The following ABRACL variants were observed in gnomAD, a reference collection of about 807,000 sequenced individuals.
ABRACL encodes ABRA C-terminal like.
Under a neutral mutation model 7.0 loss-of-function variants are expected in ABRACL, and 4 were observed. That is an observed-to-expected ratio of 0.57 (90% CI 0.28 to 1.30). The LOEUF is 1.30. ABRACL is among the 50% of genes most tolerant of loss of function. The probability of loss-of-function intolerance (pLI) is 0.10; values close to 1 mark genes in which losing one functional copy is unlikely to be tolerated. For missense variants in ABRACL, 104 were observed against 97.3 expected (o/e 1.07, Z -0.29); for synonymous variants, 30 against 36.0 (o/e 0.83, Z 0.60).
chr6:139,040,639 C>T (rs1349941345), intron 2 of ABRACL, among the ~76,000 whole-genome samples: 1 of 152,210 alleles, frequency 6.6e-6, no homozygotes, highest in Non-Finnish European at 1.5e-5. Flanking sequence ...TAATCAGTGA[C>T]AGGTTCCTGT....
intron 2 of ABRACL, among the ~76,000 whole-genome samples, chr6:139,039,499 G>A (rs1003534429): frequency 2.6e-5 from 4 of 152,196 alleles, no homozygotes; most frequent in Admixed American, 1.3e-4. Flanking sequence ...TATAAGAAGA[G>A]CTATTCACTC....
Position 139,034,217 on chromosome 6 carries a change from A to T in ABRACL, c.57A>T (p.Ser19=). Reference sequence around the variant, plus strand: ...TGGAGGAAATTCATCGTTTGGGTTCAAAAAGTAAGTATCTGACAGAGATAG... The same window carrying T: ...TGGAGGAAATTCATCGTTTGGGTTCTAAAAGTAAGTATCTGACAGAGATAG... ...LLVEEIHRLG[S]KNADGKLSVK... is the part of the protein sequence containing the mutation. Residue 19 remains serine, a synonymous_variant, in exon 2 of 3, where the codon TCA becomes TCT. Transcript: ENST00000367660. 6.2e-7 allele frequency: 1 copy of T among 1,614,218 alleles called. No homozygotes were observed. The highest frequency in any genetic ancestry group is 8.5e-7 in the Non-Finnish European group (1 of 1,180,036).
chr6:139,033,726 C>T lies in ABRACL; in HGVS notation c.-6-429C>T, dbSNP rs143769096. Among the ~76,000 whole-genome samples the T allele has an allele frequency of 4.9e-4, 74 of 152,334 alleles. No individual in the cohort carries two copies. In the East Asian group the frequency reaches 0.013, roughly 27 times the overall value. ...TTGGACCCACCACTCAAAGAGTATT[C>T]GTCTCATTGCTCTTCATTGCAGGCC... On this transcript the variant is annotated intron_variant, in intron 1 of 2. Coordinates refer to ENST00000367660, the MANE Select transcript of ABRACL (RefSeq NM_021243.3).
At chr6:139,031,454 T>C (rs568450706) in intron 1 of ABRACL, among the ~76,000 whole-genome samples, 2 of 152,280 alleles carry the variant, frequency 1.3e-5, no homozygotes, top group African/African-American at 4.8e-5. Flanking sequence ...TAAGCTAACT[T>C]TATGGGTCAA....
chr6:139,036,726 G>A (rs1786162737), intron 2 of ABRACL, among the ~76,000 whole-genome samples: 1 of 152,180 alleles, frequency 6.6e-6, no homozygotes, highest in African/African-American at 2.4e-5. Context: ...GCTCAGGCCT[G>A]TAATCCTAGC....
chr6:139,033,702 T>C (rs1786113815), intron 1 of ABRACL, among the ~76,000 whole-genome samples: 1 of 152,194 alleles, frequency 6.6e-6, no homozygotes, highest in African/African-American at 2.4e-5. Context: ...CCATATGCCT[T>C]GGACCCACCA....
Position 139,034,136 on chromosome 6 carries a change from T to G in ABRACL, c.-6-19T>G. On this transcript the variant is annotated intron_variant, in intron 1 of 2. Coordinates refer to ENST00000367660, the MANE Select transcript of ABRACL (RefSeq NM_021243.3). ...GAATGTAATGGTGATAATTTAGACTTCCTTTTTTTCTCTCCCAGGCAGCAA... is the reference window on the plus strand; with the variant it reads ...GAATGTAATGGTGATAATTTAGACTGCCTTTTTTTCTCTCCCAGGCAGCAA... 6 of 1,614,158 alleles carry G rather than the reference T, an allele frequency of 3.7e-6. No individual in the cohort carries two copies. Among genetic ancestry groups the G allele is most frequent in the Non-Finnish European group, 5.1e-6 (6 of 1,180,030 alleles).
At chr6:139,035,232 A>C (rs962229320) in intron 2 of ABRACL, among the ~76,000 whole-genome samples, 2 of 152,226 alleles carry the variant, frequency 1.3e-5, no homozygotes, top group African/African-American at 4.8e-5. Flanking sequence ...ATTGCCACAA[A>C]TTTAGTGATG....
At chr6:139,031,524 A>G (rs1324772186) in intron 1 of ABRACL, among the ~76,000 whole-genome samples, 1 of 152,228 alleles carries the variant, frequency 6.6e-6, no homozygotes, top group African/African-American at 2.4e-5. Context: ...AAAAGGAAAG[A>G]TACCGGTTCA....
intron 2 of ABRACL, among the ~76,000 whole-genome samples, chr6:139,041,732 T>C (rs1273486363): frequency 6.6e-6 from 1 of 151,994 alleles, no homozygotes; most frequent in Non-Finnish European, 1.5e-5. Flanking sequence ...TTACTTGTTA[T>C]GTGTATAGTT....
chr6:139,034,505 A>G, intron 2 of ABRACL: 1 of 1,247,936 alleles, frequency 8.0e-7, no homozygotes, highest in South Asian at 2.0e-5. Flanking sequence ...CTGCATTGAA[A>G]TTTGGTAATT....
chr6:139,035,569 G>A (rs1259096067), intron 2 of ABRACL, among the ~76,000 whole-genome samples: 3 of 151,582 alleles, frequency 2.0e-5, no homozygotes, highest in South Asian at 2.1e-4. Flanking sequence ...TGCAACCTCC[G>A]CCTCCCGGGT....
chr6:139,033,011 G>T (rs1436944214), intron 1 of ABRACL, among the ~76,000 whole-genome samples: 1 of 152,226 alleles, frequency 6.6e-6, no homozygotes, highest in Non-Finnish European at 1.5e-5. Flanking sequence ...CGGTGCTATG[G>T]GAACACACAG....
chr6:139,032,909 A>G (rs1384048729), intron 1 of ABRACL, among the ~76,000 whole-genome samples: 1 of 152,178 alleles, frequency 6.6e-6, no homozygotes, highest in Non-Finnish European at 1.5e-5. Context: ...AGCAGTGAGC[A>G]TTATAGTCAG....
At chr6:139,042,266 G>A (rs1786263742) in intron 2 of ABRACL, among the ~76,000 whole-genome samples, 1 of 128,950 alleles carries the variant, frequency 7.8e-6, no homozygotes, top group South Asian at 2.2e-4. Context: ...CTGATGAATG[G>A]CTGATGATTA....
intron 1 of ABRACL, among the ~76,000 whole-genome samples, chr6:139,031,760 C>T (rs574753865): frequency 3.9e-5 from 6 of 152,260 alleles, no homozygotes; most frequent in South Asian, 2.1e-4. Context: ...GGCTCAGCTA[C>T]GTCATGCCTC....
intron 1 of ABRACL, among the ~76,000 whole-genome samples, chr6:139,033,838 G>A (rs1423220705): frequency 6.6e-6 from 1 of 152,204 alleles, no homozygotes; most frequent in African/African-American, 2.4e-5. Context: ...AGGATACCAT[G>A]AAGAGGACCT....
chr6:139,034,407 T>G, intron 2 of ABRACL, 186 bp downstream of exon 2: 1 of 1,535,962 alleles, frequency 6.5e-7, no homozygotes, highest in East Asian at 2.5e-5. Flanking sequence ...ACGGGGCTTT[T>G]GGGGTATTGT....
At chr6:139,029,626 C>T (rs1187129262) in intron 1 of ABRACL, among the ~76,000 whole-genome samples, 1 of 152,114 alleles carries the variant, frequency 6.6e-6, no homozygotes, top group Non-Finnish European at 1.5e-5. Flanking sequence ...CTGCAGGGCA[C>T]GGGGTTAGGG....
Sources: allele counts gnomAD v4.1 joint callset (sites outside exome capture counted in the v4.1 genomes callset), GRCh38; gene constraint gnomAD v4.1.1; transcripts MANE v1.5; gene names NCBI Gene and HGNC (gene_info 2026-07-23, HGNC 2026-07-21).